ANK1: variants seen among roughly 807,000 people sequenced by gnomAD.
The protein encoded by ANK1 is ankyrin 1, also known as ankyrin-1.
A neutral mutation model predicts 210.4 loss-of-function variants in ANK1; 51 were observed. That is an observed-to-expected ratio of 0.24 (90% CI 0.19 to 0.31). ANK1 has a LOEUF of 0.31. ANK1 is among the 10% of genes least tolerant of loss of function. The probability of loss-of-function intolerance (pLI) is 1.00; values close to 1 mark genes in which losing one functional copy is unlikely to be tolerated. For missense variants in ANK1, 2,051 were observed against 2,504.4 expected, an observed-to-expected ratio of 0.82 and a Z score of 3.86; for synonymous variants, 967 against 1,025.9, an observed-to-expected ratio of 0.94 and a Z score of 1.10.
chr8:41,704,318 C>T lies in ANK1; in HGVS notation c.2196+56G>A. 3 of 1,549,028 alleles carry T rather than the reference C, an allele frequency of 1.9e-6. No homozygotes were observed. The highest frequency in any genetic ancestry group is 3.3e-5 in the Admixed American group (2 of 59,832). ...CTCCCAGAGCAGCTCTGGCTTTACC[C>T]TGATGTGGCATGGAGAAGGGTCAGT... On this transcript the variant is annotated intron_variant, in intron 19 of 42. Transcript: ENST00000289734. This position sits in a 1 kb window ranked among gnomAD's most constrained non-coding sequence, Gnocchi z 4.1.
intron 1 of ANK1, among the ~76,000 whole-genome samples, chr8:41,825,695 G>A (rs762439586): frequency 6.6e-6 from 1 of 152,172 alleles, no homozygotes; most frequent in Non-Finnish European, 1.5e-5. Context: ...ATCTTGAATT[G>A]TAGTTCCCAT....
chr8:41,711,794 C>T (rs958373464), intron 16 of ANK1, among the ~76,000 whole-genome samples: 12 of 152,336 alleles, frequency 7.9e-5, no homozygotes, highest in African/African-American at 2.9e-4. Flanking sequence ...GCCTCAGACA[C>T]ACTTTCTCAG....
At chr8:41,780,052 T>C (rs995518038) in intron 1 of ANK1, among the ~76,000 whole-genome samples, 1 of 152,114 alleles carries the variant, frequency 6.6e-6, no homozygotes, top group African/African-American at 2.4e-5. Flanking sequence ...CTCTAATTAG[T>C]ATTTTGCATT....
chr8:41,868,312 A>C (rs901888376), intron 1 of ANK1, among the ~76,000 whole-genome samples: 7 of 149,902 alleles, frequency 4.7e-5, no homozygotes, highest in Admixed American at 3.3e-4. Flanking sequence ...GCCTCTACCT[A>C]CTAGGTGCTG....
Position 41,708,937 on chromosome 8 carries a change from G to C in ANK1, c.1839C>G (p.Asn613Lys), listed in dbSNP as rs141134967. 3 of 1,614,074 alleles carry C rather than the reference G, an allele frequency of 1.9e-6. No homozygotes were observed. Among genetic ancestry groups the C allele is most frequent in the Middle Eastern group, 1.7e-4 (1 of 6,056 alleles). Reference protein sequence around the residue: ...YTPLHIAAKQNQVEVARSLLQ... With the variant: ...YTPLHIAAKQKQVEVARSLLQ... ...GCAGACTACGGGCCACCTCCACCTG[G>C]TTCTGCTTGGCAGCGATGTGCAAAG... is the stretch of plus-strand genomic sequence containing the variant. Residue 613 changes from asparagine (N) to lysine (K), a missense_variant, in exon 17 of 43, where the codon AAC (asparagine) becomes AAG (lysine). This residue lies in a region of ANK1 where 1,413 missense variants were observed against 1,707.4 expected (regional missense o/e 0.83). Coordinates refer to ENST00000289734, the MANE Select transcript of ANK1 (RefSeq NM_000037.4).
intron 1 of ANK1, among the ~76,000 whole-genome samples, chr8:41,811,467 T>C (rs1486399255): frequency 6.6e-6 from 1 of 152,210 alleles, no homozygotes; most frequent in East Asian, 1.9e-4. Context: ...ACACAGGAGC[T>C]GCCATTGCCC....
At chr8:41,747,796 C>T (rs771947046) in intron 2 of ANK1, among the ~76,000 whole-genome samples, 2 of 152,214 alleles carry the variant, frequency 1.3e-5, no homozygotes, top group Non-Finnish European at 2.9e-5. Flanking sequence ...TCACCCTTTT[C>T]CCAGTCCCTA....
chr8:41,874,637 C>T (rs966722284), intron 1 of ANK1, among the ~76,000 whole-genome samples: 4 of 152,250 alleles, frequency 2.6e-5, no homozygotes, highest in Non-Finnish European at 5.9e-5. Context: ...AGGAGGTGAC[C>T]GGAGTCCTTG....
rs573659461 is a variant in ANK1 at position 41,827,155 on chromosome 8, G to A, written c.127-69018C>T. 2.0e-5 allele frequency among the ~76,000 whole-genome samples: 3 copies of A among 152,324 alleles called. No individual in the cohort carries two copies. The East Asian group carries it at 5.8e-4, about 29-fold the overall frequency. ...ATTTTCAGATTGCTTCACATTATTT[G>A]AGCTCCATATTCCCCTACCCTTTTT... On this transcript the variant is annotated intron_variant, in intron 1 of 42. Coordinates refer to the ANK1 transcript ENST00000265709.
At chr8:41,751,494 T>A (rs1046318448) in intron 2 of ANK1, among the ~76,000 whole-genome samples, 1 of 152,206 alleles carries the variant, frequency 6.6e-6, no homozygotes, top group Non-Finnish European at 1.5e-5. Context: ...AAGGCTGTCT[T>A]CACAGTGGCT....
At chr8:41,842,354 G>A (rs1809095480) in intron 1 of ANK1, among the ~76,000 whole-genome samples, 1 of 152,096 alleles carries the variant, frequency 6.6e-6, no homozygotes, top group Non-Finnish European at 1.5e-5. Flanking sequence ...TTAGCTGGGC[G>A]TGGTGGTGGG....
chr8:41,790,481 G>GTCAGGGAGC, intron 1 of ANK1, among the ~76,000 whole-genome samples: 1 of 152,156 alleles, frequency 6.6e-6, no homozygotes, highest in African/African-American at 2.4e-5. Context: ...ACTATCCTAA[G>GTCAGGGAGC]TCAGGGAGCT....
chr8:41,742,488 T>C (rs1835027721), intron 2 of ANK1, among the ~76,000 whole-genome samples: 1 of 152,188 alleles, frequency 6.6e-6, no homozygotes, highest in Non-Finnish European at 1.5e-5. Flanking sequence ...CAGCTTCAGC[T>C]GCATCCCGTG....
intron 2 of ANK1, among the ~76,000 whole-genome samples, chr8:41,744,499 A>T (rs540199994): frequency 1.6e-4 from 24 of 151,840 alleles, no homozygotes; most frequent in African/African-American, 5.5e-4. Context: ...ATCAAGATTA[A>T]CATCCCCAGG....
intron 9 of ANK1, among the ~76,000 whole-genome samples, chr8:41,720,762 G>A (rs1829043050): frequency 6.6e-6 from 1 of 152,106 alleles, no homozygotes; most frequent in Admixed American, 6.5e-5. Context: ...GAAAGGAGCT[G>A]AATGGAAGTT....
intron 39 of ANK1, among the ~76,000 whole-genome samples, chr8:41,667,494 T>C (rs1810947988): frequency 6.6e-6 from 1 of 152,070 alleles, no homozygotes; most frequent in Admixed American, 6.5e-5. Context: ...AGGATATGCT[T>C]CCAAATAATA....
chr8:41,843,116 G>A (rs998555229), intron 1 of ANK1, among the ~76,000 whole-genome samples: 1 of 152,154 alleles, frequency 6.6e-6, no homozygotes. Context: ...CCAAAGTGCT[G>A]GGATTACAGG....
intron 1 of ANK1, among the ~76,000 whole-genome samples, chr8:41,792,158 C>G (rs1394871936): frequency 6.6e-6 from 1 of 152,112 alleles, no homozygotes; most frequent in Non-Finnish European, 1.5e-5. Context: ...GAGCAGCAGC[C>G]GAGGGGAGGG....
chr8:41,885,075 A>AG (rs34435842), intron 1 of ANK1, among the ~76,000 whole-genome samples: 1 of 151,688 alleles, frequency 6.6e-6, no homozygotes, highest in African/African-American at 2.4e-5. Context: ...AAAAAAAAAA[A>AG]GGGGCTCTCG....
Sources: gnomAD v4.1 joint callset for allele counts (sites outside exome capture counted in the v4.1 genomes callset) on GRCh38, gnomAD v4.1.1 for gene constraint, gnomAD v4.1.1 regional missense constraint, Gnocchi (gnomAD v3.1) non-coding constraint, MANE v1.5 for transcripts, NCBI Gene and HGNC (gene_info 2026-07-23, HGNC 2026-07-21) for gene names.